Variants in KCNIP4 observed in about 807,000 individuals in gnomAD.
The protein encoded by KCNIP4 is potassium voltage-gated channel interacting protein 4.
KCNIP4 carries 12 observed loss-of-function variants against 34.0 expected under a neutral mutation model. The ratio of observed to expected loss-of-function variants is 0.35; its 90% CI spans 0.23 to 0.57. The LOEUF is 0.57. KCNIP4 is among the 20% of genes least tolerant of loss of function. The pLI is 0.83. For synonymous variants in KCNIP4, 124 were observed against 102.2 expected (o/e 1.21, Z -1.29); for missense variants, 238 against 311.7 (o/e 0.76, Z 1.78).
At chr4:21,597,898 A>G (rs1269264364) in intron 1 of KCNIP4, among the ~76,000 whole-genome samples, 2 of 152,180 alleles carry the variant, frequency 1.3e-5, no homozygotes, top group Non-Finnish European at 2.9e-5. Context: ...ATTTATAGCA[A>G]AACATATATT....
rs769457502 is a variant in KCNIP4 at position 21,205,840 on chromosome 4, C to T, written c.62-323131G>A. The stretch of plus-strand genomic sequence containing the variant: ...ACTCTGAGGGCAGCTTCTCAAATCC[C>T]GCTAGATTGGGCTTCAAAGCCCTAT... On this transcript the variant is annotated intron_variant, in intron 1 of 8. Transcript: ENST00000382152. 2.6e-5 allele frequency among the ~76,000 whole-genome samples: 4 copies of T among 152,142 alleles called. No homozygotes were observed. The South Asian group carries it at 8.3e-4, about 32-fold the overall frequency.
intron 1 of KCNIP4, among the ~76,000 whole-genome samples, chr4:21,013,941 C>A (rs574771589): frequency 2.0e-5 from 3 of 152,212 alleles, no homozygotes; most frequent in South Asian, 4.2e-4. Context: ...TCCTCATTAT[C>A]CCTTTACTTC....
At chr4:20,790,802 A>T (rs889420182) in intron 3 of KCNIP4, among the ~76,000 whole-genome samples, 1 of 152,204 alleles carries the variant, frequency 6.6e-6, no homozygotes, top group Non-Finnish European at 1.5e-5. Flanking sequence ...AATAGACAAC[A>T]TGTCAAATGA....
chr4:20,785,634 A>G (rs1188349273), intron 3 of KCNIP4, among the ~76,000 whole-genome samples: 1 of 152,190 alleles, frequency 6.6e-6, no homozygotes, highest in Admixed American at 6.5e-5. Context: ...TTTTACATTT[A>G]TTTAATGTGA....
chr4:21,555,748 T>G (rs1738956779), intron 1 of KCNIP4, among the ~76,000 whole-genome samples: 1 of 152,176 alleles, frequency 6.6e-6, no homozygotes, highest in South Asian at 2.1e-4. Flanking sequence ...ACATATTAAA[T>G]ATATTACTAT....
chr4:21,229,277 C>A (rs1176786368), intron 1 of KCNIP4, among the ~76,000 whole-genome samples: 1 of 152,170 alleles, frequency 6.6e-6, no homozygotes, highest in Non-Finnish European at 1.5e-5. Flanking sequence ...AGAGATCATT[C>A]CACATTTGTA....
intron 1 of KCNIP4, among the ~76,000 whole-genome samples, chr4:21,552,604 A>G (rs1738670320): frequency 6.6e-6 from 1 of 152,162 alleles, no homozygotes; most frequent in Admixed American, 6.6e-5. Flanking sequence ...ATAAAGTTTG[A>G]AAATGTCTGC....
intron 1 of KCNIP4, among the ~76,000 whole-genome samples, chr4:20,996,333 G>C (rs1737551329): frequency 6.6e-6 from 1 of 152,280 alleles, no homozygotes; most frequent in Non-Finnish European, 1.5e-5. Flanking sequence ...CCTGCTTACA[G>C]TCCCTCAATA....
chr4:21,417,649 G>C (rs554839647), intron 1 of KCNIP4, among the ~76,000 whole-genome samples: 56 of 152,236 alleles, frequency 3.7e-4, no homozygotes, highest in African/African-American at 1.3e-3. Context: ...GTTACTCAAG[G>C]GAGAGAATGC....
chr4:20,850,437 A>G (rs1451192764), intron 3 of KCNIP4, 106 bp downstream of exon 3: 1 of 1,187,230 alleles, frequency 8.4e-7, no homozygotes, highest in African/African-American at 1.5e-5. Flanking sequence ...TGAAATATAC[A>G]TATGATGGGG....
intron 1 of KCNIP4, among the ~76,000 whole-genome samples, chr4:21,732,905 T>C (rs1305450560): frequency 6.6e-6 from 1 of 152,210 alleles, no homozygotes; most frequent in East Asian, 1.9e-4. Context: ...CTCTTCTATT[T>C]CTGTTCTATT....
At chr4:21,148,140 T>C (rs557279733) in intron 1 of KCNIP4, among the ~76,000 whole-genome samples, 1 of 152,076 alleles carries the variant, frequency 6.6e-6, no homozygotes, top group Non-Finnish European at 1.5e-5. Context: ...GGCTTAACCT[T>C]TGATGTAATG....
In KCNIP4 at chr4:21,088,046, A is replaced by C. The variant is rs549059138; in HGVS notation, c.62-205337T>G. 4.3e-4 allele frequency among the ~76,000 whole-genome samples: 65 copies of C among 152,266 alleles called. 1 individual carries two copies. In the South Asian group the frequency reaches 0.011, roughly 25 times the overall value. Reference sequence around the variant, plus strand: ...GACAGACCTTGCTTCTGAGTTCCAAAAATGTCTATTCAAATGTGTACTGAG... The same window carrying C: ...GACAGACCTTGCTTCTGAGTTCCAACAATGTCTATTCAAATGTGTACTGAG... On this transcript the variant is annotated intron_variant, in intron 1 of 8. Coordinates refer to ENST00000382152, the MANE Select transcript of KCNIP4 (RefSeq NM_025221.6).
intron 1 of KCNIP4, among the ~76,000 whole-genome samples, chr4:21,731,775 T>A (rs952084546): frequency 6.6e-6 from 1 of 152,142 alleles, no homozygotes; most frequent in Non-Finnish European, 1.5e-5. Context: ...GTTATCTATA[T>A]AATATTGTCA....
chr4:21,280,251 G>T (rs1762696240), intron 1 of KCNIP4, among the ~76,000 whole-genome samples: 1 of 152,174 alleles, frequency 6.6e-6, no homozygotes, highest in Admixed American at 6.5e-5. Flanking sequence ...TTCCCCATCA[G>T]CTTGGATCCT....
At chr4:21,270,588 A>G (rs1213528288) in intron 1 of KCNIP4, among the ~76,000 whole-genome samples, 1 of 152,230 alleles carries the variant, frequency 6.6e-6, no homozygotes, top group Non-Finnish European at 1.5e-5. Flanking sequence ...AAAGCCACCA[A>G]AATATAATCT....
intron 1 of KCNIP4, among the ~76,000 whole-genome samples, chr4:20,961,019 T>C (rs555970013): frequency 6.6e-6 from 1 of 152,310 alleles, no homozygotes; most frequent in Non-Finnish European, 1.5e-5. Context: ...TGCTCTTAAA[T>C]ATTTGCTTAT....
chr4:21,799,390 A>G (rs897576069), intron 1 of KCNIP4, among the ~76,000 whole-genome samples: 1 of 152,178 alleles, frequency 6.6e-6, no homozygotes, highest in South Asian at 2.1e-4. Context: ...TTATATTACC[A>G]ACATTTTAAA....
chr4:21,360,041 A>G (rs36012574), intron 1 of KCNIP4, among the ~76,000 whole-genome samples: 30 of 152,098 alleles, frequency 2.0e-4, no homozygotes, highest in Non-Finnish European at 3.8e-4. Context: ...ATTCATTCAT[A>G]AATTCATTCA....
Sources: allele counts gnomAD v4.1 joint callset (sites outside exome capture counted in the v4.1 genomes callset), GRCh38; gene constraint gnomAD v4.1.1; transcripts MANE v1.5; gene names NCBI Gene and HGNC (gene_info 2026-07-23, HGNC 2026-07-21).